The following IL19 variants were observed in gnomAD, a reference collection of about 807,000 sequenced individuals.
IL19 encodes interleukin 19, also known as interleukin-19.
A neutral mutation model predicts 19.5 loss-of-function variants in IL19; 15 were observed. That is an observed-to-expected ratio of 0.77 (90% CI 0.52 to 1.19). The LOEUF (loss-of-function observed/expected upper bound fraction) is 1.19, where lower values mean the gene tolerates loss of function less well. IL19 is among the 50% of genes most tolerant of loss of function. The pLI, the probability that IL19 is intolerant of heterozygous loss-of-function variation, is 0.00. For missense variants in IL19, 199 were observed against 213.1 expected, an observed-to-expected ratio of 0.93 and a Z score of 0.41; for synonymous variants, 78 against 78.3, an observed-to-expected ratio of 1.00 and a Z score of 0.02.
intron 1 of IL19, among the ~76,000 whole-genome samples, chr1:206,795,352 G>T (rs147298865): frequency 2.8e-4 from 42 of 152,274 alleles, no homozygotes; most frequent in Middle Eastern, 6.8e-3. Context: ...GTTGCCTTTG[G>T]CTCTGAGGCT....
intron 1 of IL19, among the ~76,000 whole-genome samples, chr1:206,791,723 C>G (rs1675409508): frequency 6.6e-6 from 1 of 152,194 alleles, no homozygotes; most frequent in South Asian, 2.1e-4. Flanking sequence ...GTGTGGTTTC[C>G]TTCACCAAAA....
At chr1:206,782,766 G>A (rs566838105) in intron 1 of IL19, among the ~76,000 whole-genome samples, 1 of 152,318 alleles carries the variant, frequency 6.6e-6, no homozygotes, top group Admixed American at 6.5e-5. Context: ...AGGTTCTAGA[G>A]GCTGGGTGTG....
At chr1:206,815,885 G>T (rs1245805195) in intron 2 of IL19, among the ~76,000 whole-genome samples, 1 of 152,176 alleles carries the variant, frequency 6.6e-6, no homozygotes. Context: ...TTAGCAAAAT[G>T]ATGTACAGCA....
chr1:206,797,379 G>A (rs1325378781), intron 1 of IL19, among the ~76,000 whole-genome samples: 1 of 152,072 alleles, frequency 6.6e-6, no homozygotes, highest in African/African-American at 2.4e-5. Flanking sequence ...GGACGTCAGA[G>A]GCACCAGAGG....
At chr1:206,809,355 G>A (rs900517130) in intron 2 of IL19, among the ~76,000 whole-genome samples, 4 of 152,194 alleles carry the variant, frequency 2.6e-5, no homozygotes, top group African/African-American at 9.7e-5. Flanking sequence ...AGTTGTACTT[G>A]GTGTGGGGTG....
intron 2 of IL19, among the ~76,000 whole-genome samples, chr1:206,826,504 C>T (rs1018198431): frequency 3.3e-5 from 5 of 152,200 alleles, no homozygotes; most frequent in South Asian, 2.1e-4. Flanking sequence ...CTGCCCTTAC[C>T]GCTTTAGTAT....
chr1:206,815,323 G>A (rs140452969), intron 2 of IL19, among the ~76,000 whole-genome samples: 189 of 152,218 alleles, frequency 1.2e-3, no homozygotes, highest in African/African-American at 4.2e-3. Flanking sequence ...AGATTCGAGG[G>A]CAGGAGATAT....
At chr1:206,833,471 G>A (rs539809852) in intron 2 of IL19, among the ~76,000 whole-genome samples, 6 of 152,354 alleles carry the variant, frequency 3.9e-5, no homozygotes, top group African/African-American at 1.4e-4. Flanking sequence ...CTCCATTTAG[G>A]TTTGGCCTAT....
chr1:206,818,603 G>A (rs758805904), intron 2 of IL19, among the ~76,000 whole-genome samples: 5 of 152,144 alleles, frequency 3.3e-5, no homozygotes, highest in Non-Finnish European at 5.9e-5. Flanking sequence ...AACTGCTGGG[G>A]CTACTGAGTA....
chr1:206,812,989 A>G lies in IL19; in HGVS notation c.-3+13983A>G, dbSNP rs187807574. 4.1e-3 allele frequency among the ~76,000 whole-genome samples: 631 copies of G among 152,306 alleles called. 5 individuals are homozygous for G. The highest frequency in any genetic ancestry group is 0.017 in the Middle Eastern group (5 of 294). On this transcript the variant is annotated intron_variant, in intron 2 of 6. Coordinates refer to ENST00000659997, the MANE Select transcript of IL19 (RefSeq NM_153758.5). The stretch of plus-strand genomic sequence containing the variant: ...ACTTTATAATCCTGAATTTGGGGAG[A>G]AGGTGATGCTCGCCTGTTTTATATG...
At chr1:206,800,701 T>A (rs1265526536) in intron 2 of IL19, among the ~76,000 whole-genome samples, 2 of 152,166 alleles carry the variant, frequency 1.3e-5, no homozygotes, top group Non-Finnish European at 2.9e-5. Flanking sequence ...TTAGGCATTG[T>A]GAAAGAGCTG....
At chr1:206,786,501 G>A (rs1397489045) in intron 1 of IL19, among the ~76,000 whole-genome samples, 2 of 152,112 alleles carry the variant, frequency 1.3e-5, no homozygotes, top group Admixed American at 1.3e-4. Flanking sequence ...TGGTGGAGTG[G>A]GAAGCAGGAG....
At position 206,840,991 on chromosome 1, in the gene IL19, C is replaced by T. The variant is rs748676816; in HGVS notation, c.364-13C>T. 6.2e-7 allele frequency: 1 copy of T among 1,612,622 alleles called. No individual in the cohort carries two copies. The highest frequency in any genetic ancestry group is 1.3e-5 in the African/African-American group (1 of 75,024). ...AATGTCCTCTGATAGGAGCTTCCTC[C>T]ACTTTATCACAGCAGGAACAGAGGC... On this transcript the variant is annotated splice_polypyrimidine_tract_variant and intron_variant, in intron 5 of 6. Coordinates refer to ENST00000659997, the MANE Select transcript of IL19 (RefSeq NM_153758.5).
chr1:206,794,462 C>G (rs1038703535), intron 1 of IL19, among the ~76,000 whole-genome samples: 2 of 152,148 alleles, frequency 1.3e-5, no homozygotes, highest in Non-Finnish European at 2.9e-5. Flanking sequence ...TTTGTGAAGC[C>G]TCTTCCCACT....
At position 206,823,249 on chromosome 1, in the gene IL19, C is replaced by T. The variant is rs560860216; in HGVS notation, c.-2-13412C>T. Among the ~76,000 whole-genome samples the T allele has an allele frequency of 1.2e-4, 18 of 152,132 alleles. No homozygotes were observed. In the East Asian group the frequency reaches 3.5e-3, roughly 29 times the overall value. On this transcript the variant is annotated intron_variant, in intron 2 of 6. Coordinates refer to ENST00000659997, the MANE Select transcript of IL19 (RefSeq NM_153758.5). ...CTAAACATTTTTTTTCTAGGTGATC[C>T]AAGTTAGAAAAGACACCAAGATGGC...
intron 2 of IL19, among the ~76,000 whole-genome samples, chr1:206,827,714 A>C (rs1397510669): frequency 3.4e-5 from 5 of 149,214 alleles, no homozygotes; most frequent in African/African-American, 7.7e-5. Flanking sequence ...ACAAAACAAA[A>C]AAAACAAAAA....
At chr1:206,811,273 C>G (rs1022926928) in intron 2 of IL19, among the ~76,000 whole-genome samples, 1 of 151,964 alleles carries the variant, frequency 6.6e-6, no homozygotes, top group African/African-American at 2.4e-5. Flanking sequence ...TGACCCCCAC[C>G]TCTACTAAAA....
intron 2 of IL19, among the ~76,000 whole-genome samples, chr1:206,820,093 G>T (rs1298411772): frequency 6.6e-6 from 1 of 152,008 alleles, no homozygotes; most frequent in Non-Finnish European, 1.5e-5. Context: ...TAAGCTTATT[G>T]CTCCAGATTG....
intron 2 of IL19, among the ~76,000 whole-genome samples, chr1:206,812,476 T>G (rs1340335615): frequency 6.6e-6 from 1 of 152,198 alleles, no homozygotes; most frequent in Admixed American, 6.5e-5. Flanking sequence ...CTGGGGCGAC[T>G]GATTACCAAA....
Sources: gnomAD v4.1 joint callset for allele counts (sites outside exome capture counted in the v4.1 genomes callset) on GRCh38, gnomAD v4.1.1 for gene constraint, MANE v1.5 for transcripts, NCBI Gene and HGNC (gene_info 2026-07-23, HGNC 2026-07-21) for gene names.